The following PRR12 variants were observed in gnomAD, a reference collection of about 807,000 sequenced individuals.
PRR12 encodes the protein proline-rich protein 12.
In PRR12, 12 loss-of-function variants were observed where a neutral mutation model predicts 138.0. The ratio of observed to expected loss-of-function variants is 0.09; its 90% confidence interval spans 0.06 to 0.14. The LOEUF (loss-of-function observed/expected upper bound fraction) is 0.14, where lower values mean the gene tolerates loss of function less well. Among genes scored for constraint, PRR12 ranks in the 10% least tolerant of loss-of-function variants. PRR12 has a pLI of 1.00. For missense variants in PRR12, 2,692 were observed against 2,861.3 expected (o/e 0.94, Z 1.35); for synonymous variants, 1,567 against 1,291.7 (o/e 1.21, Z -4.57).
In PRR12 at chr19:49,596,084, A is replaced by G. The variant is rs1303386907; in HGVS notation, c.1749A>G (p.Pro583=). The change falls in exon 4 of 14, where the codon CCA becomes CCG. Residue 583 remains proline (P), a synonymous_variant. Coordinates refer to ENST00000418929, the MANE Select transcript of PRR12 (RefSeq NM_020719.3). The surrounding 1 kb of genome is among the most constrained non-coding windows in gnomAD (Gnocchi z 5.6). ...ATGRPPGVGS[P]GAPGKYLSSV... ...GCCGTCCACCTGGAGTCGGCTCTCCAGGAGCCCCTGGCAAATACCTGAGCT... is the reference window on the plus strand; with the variant it reads ...GCCGTCCACCTGGAGTCGGCTCTCCGGGAGCCCCTGGCAAATACCTGAGCT... The G allele has an allele frequency of 2.5e-6, 4 of 1,601,984 alleles. No homozygotes were observed. Among genetic ancestry groups the G allele is most frequent in the South Asian group, 2.2e-5 (2 of 91,088 alleles).
intron 6 of PRR12, among the ~76,000 whole-genome samples, chr19:49,611,205 C>G (rs531409887): frequency 6.6e-6 from 1 of 152,198 alleles, no homozygotes; most frequent in South Asian, 2.1e-4. Flanking sequence ...TACCTGTAGT[C>G]CCAGCTACTT....
intron 2 of PRR12, 110 bp downstream of exon 2, chr19:49,593,549 G>T: frequency 1.7e-6 from 1 of 605,586 alleles, no homozygotes; most frequent in African/African-American, 1.9e-5. Context: ...CCCGTGCCGT[G>T]GCCCGCCCCT....
rs753163387 is a variant in PRR12 at position 49,596,212 on chromosome 19, C to T, written c.1877C>T (p.Ala626Val). Residue 626 changes from alanine to valine, a missense_variant, in exon 4 of 14, where the codon GCG becomes GTG. Ala to Val is a moderately conservative substitution (Grantham distance 64). Around this residue, in one of 11 missense-constraint regions of PRR12, gnomAD observed 840 missense variants for 689.8 expected, o/e 1.22. Coordinates refer to ENST00000418929, the MANE Select transcript of PRR12 (RefSeq NM_020719.3). This position sits in a 1 kb window ranked among gnomAD's most constrained non-coding sequence, Gnocchi z 5.6. ...AAGGGGGATGGCTCGGAGCTGCTGGCGGGCCCAGGTGGGCCTCCTGCGGAG... is the reference window on the plus strand; with the variant it reads ...AAGGGGGATGGCTCGGAGCTGCTGGTGGGCCCAGGTGGGCCTCCTGCGGAG... Reference protein sequence around the residue: ...KGKGDGSELLAGPGGPPAERT... With the variant: ...KGKGDGSELLVGPGGPPAERT... 12 of 1,610,576 alleles carry T rather than the reference C, an allele frequency of 7.5e-6. No homozygotes were observed. Among genetic ancestry groups the T allele is most frequent in the East Asian group, 2.2e-5 (1 of 44,886 alleles).
At chr19:49,623,979 C>T (rs1414138391) in intron 11 of PRR12, among the ~76,000 whole-genome samples, 1 of 148,672 alleles carries the variant, frequency 6.7e-6, no homozygotes, top group Non-Finnish European at 1.5e-5. Flanking sequence ...TAGGATGGGG[C>T]CAGGAATTCT....
At chr19:49,606,645 CTTTT>C (rs1230626073) in intron 6 of PRR12, among the ~76,000 whole-genome samples, 1 of 128,146 alleles carries the variant, frequency 7.8e-6, no homozygotes, top group East Asian at 2.3e-4. Context: ...TACCATCTCT[CTTTT>C]TTTTTTTTTT....
Position 49,597,018 on chromosome 19 carries a change from G to A in PRR12, c.2683G>A (p.Gly895Arg). The A allele has an allele frequency of 6.4e-6, 10 of 1,557,494 alleles. No homozygotes were observed. The highest frequency in any genetic ancestry group is 1.4e-5 in the African/African-American group (1 of 73,444). Residue 895 changes from glycine to arginine, a missense_variant, in exon 4 of 14, where the codon GGG becomes AGG. By Grantham distance (125) the Gly-to-Arg change is moderately radical. Around this residue, in one of 11 missense-constraint regions of PRR12, gnomAD observed 840 missense variants for 689.8 expected, o/e 1.22. Coordinates refer to ENST00000418929, the MANE Select transcript of PRR12 (RefSeq NM_020719.3). The surrounding 1 kb of genome is among the most constrained non-coding windows in gnomAD (Gnocchi z 6.3). ...TCTGGAGCCGCTGCCCCCGGCGCCT[G>A]GGGATACTGGCGTAGGCCCACCAAA... ...GALEPLPPAP[G>R]DTGVGPPNSE...
Position 49,602,075 on chromosome 19 carries a change from A to G in PRR12, c.4773+157A>G, listed in dbSNP as rs570505329. The stretch of plus-strand genomic sequence containing the variant: ...TCCTATGGGGCTGATAGAGGTGTCG[A>G]GGACCTGCGGGCCTCAGAGGTGTTA... On this transcript the variant is annotated intron_variant, in intron 6 of 13. Transcript: ENST00000418929. 9.2e-5 allele frequency among the ~76,000 whole-genome samples: 14 copies of G among 152,248 alleles called. No homozygotes were observed. The South Asian group carries it at 2.9e-3, about 32-fold the overall frequency.
rs1360290094 is a variant in PRR12, at chr19:49,591,432, C to G, written c.-223C>G. 6.8e-6 allele frequency among the ~76,000 whole-genome samples: 1 copy of G among 147,288 alleles called. No homozygotes were observed. Reference sequence around the variant, plus strand: ...AACCCCCCTTCCCCCTTCCTTGGCTCAGCGACTGCACCCCCTCCCTTGCCC... The same window carrying G: ...AACCCCCCTTCCCCCTTCCTTGGCTGAGCGACTGCACCCCCTCCCTTGCCC... On this transcript the variant is annotated 5_prime_UTR_variant, in exon 1 of 14. Coordinates refer to ENST00000418929, the MANE Select transcript of PRR12 (RefSeq NM_020719.3).
In PRR12 at chr19:49,599,514, C is replaced by T. The variant is rs574993999; in HGVS notation, c.3921C>T (p.Leu1307=). The change falls in exon 5 of 14, where the codon CTC becomes CTT. Residue 1307 remains leucine (L), a synonymous_variant. Coordinates refer to ENST00000418929, the MANE Select transcript of PRR12 (RefSeq NM_020719.3). The surrounding 1 kb of genome is among the most constrained non-coding windows in gnomAD (Gnocchi z 5.0). ...PLYQAGLTPP[L]SPPKSVPPSV... ...ACCAGGCGGGCCTGACGCCTCCGCTCAGCCCTCCCAAGAGTGTGCCACCCT... is the reference window on the plus strand; with the variant it reads ...ACCAGGCGGGCCTGACGCCTCCGCTTAGCCCTCCCAAGAGTGTGCCACCCT... 3.8e-6 allele frequency: 6 copies of T among 1,597,186 alleles called. No individual in the cohort carries two copies. Among genetic ancestry groups the T allele is most frequent in the Admixed American group, 1.7e-5 (1 of 57,424 alleles).
rs949925144 is a variant in PRR12, at chr19:49,597,481, C to G, written c.3146C>G (p.Pro1049Arg). ...PPPPPPPPPPPAPASEPKGGL... is the reference protein window; with the variant it reads ...PPPPPPPPPPRAPASEPKGGL... ...CCCCCGCCTCCGCCACCGCCGCCTC[C>G]CGCGCCGGCCTCCGAACCCAAGGGT... Residue 1049 changes from proline to arginine, a missense_variant, in exon 4 of 14, where the codon CCC (proline) becomes CGC (arginine). Transcript: ENST00000418929. This position sits in a 1 kb window ranked among gnomAD's most constrained non-coding sequence, Gnocchi z 6.3. The G allele has an allele frequency of 1.9e-6, 3 of 1,546,474 alleles. No homozygotes were observed. The East Asian group carries it at 7.3e-5, about 38-fold the overall frequency.
Position 49,595,600 on chromosome 19 carries a change from G to T in PRR12, c.1265G>T (p.Gly422Val). The T allele has an allele frequency of 6.2e-7, 1 of 1,607,188 alleles. No individual in the cohort carries two copies. The highest frequency in any genetic ancestry group is 1.1e-5 in the South Asian group (1 of 90,158). The change falls in exon 4 of 14, where the codon GGG becomes GTG. Residue 422 changes from glycine (G) to valine (V), a missense_variant. Coordinates refer to ENST00000418929, the MANE Select transcript of PRR12 (RefSeq NM_020719.3). ...ACCCCCAAATGTCAGAGCCTGGGTG[G>T]GCCAGCAGCCGCCTATGCCACTGGG... ...TATPKCQSLG[G>V]PAAAYATGKA... is the part of the protein sequence containing the mutation.
Position 49,616,735 on chromosome 19 carries a change from A to G in PRR12, c.5497+516A>G, listed in dbSNP as rs1055021722. 2.6e-5 allele frequency among the ~76,000 whole-genome samples: 4 copies of G among 152,162 alleles called. No individual in the cohort carries two copies. Among genetic ancestry groups the G allele is most frequent in the Admixed American group, 2.0e-4 (3 of 15,266 alleles). ...GTGACCTCACCTGTAAAATGGGTTC[A>G]TAATAGACGAAGCTCATAGGAGAGT... On this transcript the variant is annotated intron_variant, in intron 9 of 13. Coordinates refer to ENST00000418929, the MANE Select transcript of PRR12 (RefSeq NM_020719.3). This position sits in a 1 kb window ranked among gnomAD's most constrained non-coding sequence, Gnocchi z 4.2.
chr19:49,606,994 A>G (rs1487883765), intron 6 of PRR12, among the ~76,000 whole-genome samples: 1 of 152,032 alleles, frequency 6.6e-6, no homozygotes, highest in African/African-American at 2.4e-5. Context: ...TGGTTTATAA[A>G]GATAAAAAAG....
At position 49,599,927 on chromosome 19, in the gene PRR12, A is replaced by G. The variant is rs527991321; in HGVS notation, c.4334A>G (p.Asn1445Ser). The change falls in exon 5 of 14, where the codon AAT becomes AGT. Residue 1445 changes from asparagine to serine, a missense_variant. Asn to Ser is a conservative substitution (Grantham distance 46). Coordinates refer to ENST00000418929, the MANE Select transcript of PRR12 (RefSeq NM_020719.3). The surrounding 1 kb of genome is among the most constrained non-coding windows in gnomAD (Gnocchi z 5.0). ...PLPGLPSANS[N>S]GTPEPPLLEE... ...CCGGGGCTCCCCAGTGCCAACAGCA[A>G]TGGCACTCCCGGTGAGCTCTGGGCA... is the stretch of plus-strand genomic sequence containing the variant. 2.9e-5 allele frequency: 47 copies of G among 1,603,146 alleles called. 1 individual carries two copies. In the South Asian group the frequency reaches 4.1e-4, roughly 14 times the overall value.
In PRR12 at chr19:49,621,586, A is replaced by G. The variant is rs1329490477; in HGVS notation, c.5685A>G (p.Lys1895=). 1 of 1,604,504 alleles carries G rather than the reference A, an allele frequency of 6.2e-7. No homozygotes were observed. The highest frequency in any genetic ancestry group is 8.5e-7 in the Non-Finnish European group (1 of 1,175,962). The change falls in exon 11 of 14, where the codon AAA becomes AAG. Residue 1895 remains lysine, a synonymous_variant. Transcript: ENST00000418929. Reference sequence around the variant, plus strand: ...GCCTGCTGAATGAGCACAAGAAGAAAGTCCTGAAGCGGCTGTCGCTAAGCC... The same window carrying G: ...GCCTGCTGAATGAGCACAAGAAGAAGGTCCTGAAGCGGCTGTCGCTAAGCC... The part of the protein sequence containing the change: ...IDGLLNEHKK[K]VLKRLSLSPA...
At position 49,599,986 on chromosome 19, in the gene PRR12, G is replaced by C. The variant is rs1022796387; in HGVS notation, c.4345+48G>C. The C allele has an allele frequency of 6.7e-7, 1 of 1,496,700 alleles. No individual in the cohort carries two copies. The highest frequency in any genetic ancestry group is 1.4e-5 in the African/African-American group (1 of 71,750). The allele number at this position is 1,496,700 out of a possible 1,614,324, so 92.7% of individuals were successfully genotyped here. ...GGGAGTAGAGCTTAAAGGTTATTAT[G>C]ATCACTAGGTAACAGTTGTGCAGGT... is the stretch of plus-strand genomic sequence containing the variant. On this transcript the variant is annotated intron_variant, in intron 5 of 13. Transcript: ENST00000418929. The surrounding 1 kb of genome is among the most constrained non-coding windows in gnomAD (Gnocchi z 5.0).
At chr19:49,601,265 C>T (rs1281187248) in intron 5 of PRR12, among the ~76,000 whole-genome samples, 1 of 152,042 alleles carries the variant, frequency 6.6e-6, no homozygotes, top group South Asian at 2.1e-4. Flanking sequence ...CACAAAGAGA[C>T]ATTCCAGGAC....
chr19:49,616,837 T>C lies in PRR12; in HGVS notation c.5497+618T>C, dbSNP rs1214291759. 1.3e-5 allele frequency among the ~76,000 whole-genome samples: 2 copies of C among 152,206 alleles called. No individual in the cohort carries two copies. Among genetic ancestry groups the C allele is most frequent in the African/African-American group, 2.4e-5 (1 of 41,452 alleles). On this transcript the variant is annotated intron_variant, in intron 9 of 13. Transcript: ENST00000418929. The surrounding 1 kb of genome is among the most constrained non-coding windows in gnomAD (Gnocchi z 4.2). ...GCCACATCCTCAGTGCTTATGATGA[T>C]GTCTGGTTAGGCCGGGCACAGTGGC...
At position 49,597,663 on chromosome 19, in the gene PRR12, G is replaced by T. The variant is rs746495509; in HGVS notation, c.3328G>T (p.Val1110Phe). Reference sequence around the variant, plus strand: ...CGAGGCGGACGAGGACAAGGCCGATGTTCCCGCCGACATCCGCCTCAACCC... The same window carrying T: ...CGAGGCGGACGAGGACAAGGCCGATTTTCCCGCCGACATCCGCCTCAACCC... ...EFEADEDKAD[V>F]PADIRLNPRR... is the part of the protein sequence containing the mutation. The change falls in exon 4 of 14, where the codon GTT becomes TTT. Residue 1110 changes from valine to phenylalanine, a missense_variant. Physicochemically the swap from Val to Phe is conservative, Grantham distance 50 (BLOSUM62 -1). Around this residue, in one of 11 missense-constraint regions of PRR12, gnomAD observed 840 missense variants for 689.8 expected, o/e 1.22. Transcript: ENST00000418929. This position sits in a 1 kb window ranked among gnomAD's most constrained non-coding sequence, Gnocchi z 6.3. 6.2e-7 allele frequency: 1 copy of T among 1,604,686 alleles called. No individual in the cohort carries two copies. The highest frequency in any genetic ancestry group is 2.3e-5 in the East Asian group (1 of 44,430).
Sources: gnomAD v4.1 joint callset for allele counts (sites outside exome capture counted in the v4.1 genomes callset) on GRCh38, gnomAD v4.1.1 for gene constraint, gnomAD v4.1.1 regional missense constraint, Gnocchi (gnomAD v3.1) non-coding constraint, MANE v1.5 for transcripts, NCBI Gene and HGNC (gene_info 2026-07-23, HGNC 2026-07-21) for gene names.